Variants in DIXDC1 observed in about 807,000 individuals in gnomAD.
DIXDC1 encodes the protein DIX domain containing 1, also known as dixin.
Under a neutral mutation model 103.1 loss-of-function variants are expected in DIXDC1, and 64 were observed. The observed-to-expected ratio is 0.62, with a 90% confidence interval of 0.51 to 0.76. DIXDC1 has a LOEUF of 0.76. Ranked by LOEUF, DIXDC1 falls within the 30% of genes least tolerant of loss-of-function variation. The pLI, the probability that DIXDC1 is intolerant of heterozygous loss-of-function variation, is 0.00. For synonymous variants in DIXDC1, 266 were observed against 298.5 expected (o/e 0.89, Z 1.12); for missense variants, 759 against 834.2 (o/e 0.91, Z 1.11).
intron 17 of DIXDC1, chr11:111,996,439 TA>T (rs1860901841): frequency 4.2e-6 from 1 of 236,598 alleles, no homozygotes; most frequent in African/African-American, 2.3e-5. Flanking sequence ...AAGCAAAATA[TA>T]AAACAACAAA....
chr11:111,965,898 C>G (rs1164049908), intron 2 of DIXDC1, among the ~76,000 whole-genome samples: 6 of 152,134 alleles, frequency 3.9e-5, no homozygotes, highest in African/African-American at 1.4e-4. Flanking sequence ...GAGGTACAAA[C>G]CTAGATCTGC....
intron 14 of DIXDC1, among the ~76,000 whole-genome samples, chr11:111,994,762 G>A (rs1352820287): frequency 6.6e-6 from 1 of 152,124 alleles, no homozygotes; most frequent in African/African-American, 2.4e-5. Context: ...CTAGGTTGGG[G>A]CCTCCAGGTG....
intron 5 of DIXDC1, among the ~76,000 whole-genome samples, chr11:111,980,034 A>T (rs1215579921): frequency 6.6e-6 from 1 of 152,206 alleles, no homozygotes; most frequent in African/African-American, 2.4e-5. Flanking sequence ...TCAGAAATAT[A>T]AATAACTTTT....
intron 17 of DIXDC1, among the ~76,000 whole-genome samples, chr11:112,013,300 T>A (rs1169932649): frequency 1.3e-5 from 1 of 77,600 alleles, no homozygotes; most frequent in Non-Finnish European, 2.2e-5. Flanking sequence ...CTTCAACATA[T>A]GAAGTTGACG....
rs144046645 is a variant in DIXDC1, at chr11:112,000,565, T to C, written c.1756+4419T>C. Among the ~76,000 whole-genome samples the C allele has an allele frequency of 6.0e-3, 911 of 151,790 alleles. 10 individuals are homozygous for C. The highest frequency in any genetic ancestry group is 0.021 in the African/African-American group (860 of 41,382). On this transcript the variant is annotated intron_variant, in intron 17 of 19. Coordinates refer to ENST00000440460, the MANE Select transcript of DIXDC1 (RefSeq NM_001037954.4). Reference sequence around the variant, plus strand: ...TACAAAAATTAGCTGGGCGTGGTGGTACGCACCTGTAGTCCCAGCTACTCG... The same window carrying C: ...TACAAAAATTAGCTGGGCGTGGTGGCACGCACCTGTAGTCCCAGCTACTCG...
rs114157516 is a variant in DIXDC1 at position 111,977,624 on chromosome 11, C to A, written c.656+2641C>A. ...TCCCGCTTTCTCCCGCGAGCCGGGCCAGTAGCTTTGCTAGCTGGCCTTCCC... is the reference window on the plus strand; with the variant it reads ...TCCCGCTTTCTCCCGCGAGCCGGGCAAGTAGCTTTGCTAGCTGGCCTTCCC... On this transcript the variant is annotated intron_variant, in intron 5 of 19. Transcript: ENST00000440460. The surrounding 1 kb of genome is among the most constrained non-coding windows in gnomAD (Gnocchi z 6.1). The A allele has an allele frequency of 1.3e-6, 2 of 1,539,068 alleles. No individual in the cohort carries two copies. The highest frequency in any genetic ancestry group is 1.8e-6 in the Non-Finnish European group (2 of 1,142,088).
chr11:111,937,376 C>A lies in DIXDC1; in HGVS notation c.-124C>A. 11 of 1,456,676 alleles carry A rather than the reference C, an allele frequency of 7.6e-6. No homozygotes were observed. Among genetic ancestry groups the A allele is most frequent in the Non-Finnish European group, 1.0e-5 (11 of 1,104,304 alleles). 90.2% of individuals were successfully genotyped at this position (1,456,676 alleles called of 1,614,324 possible). ...TCCAGTCTAGGTTTCCAGTAAGTGGCATGCGGGACTCCGGAGGGATCCCAA... is the reference window on the plus strand; with the variant it reads ...TCCAGTCTAGGTTTCCAGTAAGTGGAATGCGGGACTCCGGAGGGATCCCAA... On this transcript the variant is annotated 5_prime_UTR_variant, in exon 1 of 20. Coordinates refer to ENST00000440460, the MANE Select transcript of DIXDC1 (RefSeq NM_001037954.4).
intron 1 of DIXDC1, among the ~76,000 whole-genome samples, chr11:111,938,025 G>A (rs1462803787): frequency 1.3e-5 from 2 of 152,218 alleles, no homozygotes; most frequent in Non-Finnish European, 2.9e-5. Flanking sequence ...CATGTGAAGT[G>A]CCCTCTTCAT....
rs1359379708 is a variant in DIXDC1 at position 111,996,282 on chromosome 11, C to T, written c.1756+136C>T. ...ATACTATTTTGTTTCTGTAGCAATA[C>T]TGCAATTGAGTTAGTTCTAAGACTA... On this transcript the variant is annotated intron_variant, in intron 17 of 19. Coordinates refer to ENST00000440460, the MANE Select transcript of DIXDC1 (RefSeq NM_001037954.4). 8 of 728,232 alleles carry T rather than the reference C, an allele frequency of 1.1e-5. No homozygotes were observed. In the African/African-American group the frequency reaches 1.3e-4, roughly 11 times the overall value. 45.1% of individuals were successfully genotyped at this position (728,232 alleles called of 1,614,324 possible).
In DIXDC1 at chr11:112,019,010, G is replaced by T; in HGVS notation, c.2026G>T (p.Val676Leu). 1 of 1,613,488 alleles carries T rather than the reference G, an allele frequency of 6.2e-7. No individual in the cohort carries two copies. Among genetic ancestry groups the T allele is most frequent in the African/African-American group, 1.3e-5 (1 of 75,022 alleles). The part of the protein sequence containing the change: ...PGWEGKIVAW[V>L]EEDHGEN ...ATGGGAAGGGAAAATTGTAGCTTGG[G>T]TGGAAGAAGACCATGGAGAGAATTA... Residue 676 changes from valine (V) to leucine (L), a missense_variant, in exon 20 of 20, where the codon GTG (valine) becomes TTG (leucine). Physicochemically the swap from Val to Leu is conservative, Grantham distance 32. Coordinates refer to ENST00000440460, the MANE Select transcript of DIXDC1 (RefSeq NM_001037954.4).
rs1350853783 is a variant in DIXDC1 at position 111,958,741 on chromosome 11, A to G, written c.61-5808A>G. ...GCCCCGCAGACCGGAGTGGGAATTT[A>G]TGGTGTTTTTTCCAGGCCTACCCAT... On this transcript the variant is annotated intron_variant, in intron 1 of 19. Transcript: ENST00000440460. This position sits in a 1 kb window ranked among gnomAD's most constrained non-coding sequence, Gnocchi z 4.2. 6.6e-6 allele frequency among the ~76,000 whole-genome samples: 1 copy of G among 152,142 alleles called. No individual in the cohort carries two copies. Among genetic ancestry groups the G allele is most frequent in the East Asian group, 1.9e-4 (1 of 5,170 alleles).
At chr11:111,983,506 T>G (rs1555173527) in intron 7 of DIXDC1, among the ~76,000 whole-genome samples, 1 of 152,218 alleles carries the variant, frequency 6.6e-6, no homozygotes, top group Admixed American at 6.5e-5. Context: ...TTATGAGGCC[T>G]TTTAGATCTC....
At chr11:111,949,309 ACT>A (rs1555169650) in intron 1 of DIXDC1, among the ~76,000 whole-genome samples, 1 of 151,820 alleles carries the variant, frequency 6.6e-6, no homozygotes, top group Non-Finnish European at 1.5e-5. Context: ...AATAGCTCAG[ACT>A]CTCTCAAAAC....
At chr11:111,987,094 C>G (rs1860518184) in intron 9 of DIXDC1, among the ~76,000 whole-genome samples, 170 bp downstream of exon 9, 2 of 151,896 alleles carry the variant, frequency 1.3e-5, no homozygotes, top group South Asian at 4.2e-4. Context: ...ACCAAAAATA[C>G]GAAAAATTAG....
exon 1 of DIXDC1, chr11:111,927,357 T>G (rs1320897045): frequency 3.3e-5 from 5 of 152,398 alleles, no homozygotes; most frequent in Non-Finnish European, 7.3e-5. Context: ...GGGACAGAGA[T>G]GCTGAACCAG....
At chr11:111,994,486 C>T (rs182455523) in intron 14 of DIXDC1, among the ~76,000 whole-genome samples, 4 of 150,914 alleles carry the variant, frequency 2.7e-5, no homozygotes, top group African/African-American at 9.7e-5. Context: ...CATATATATA[C>T]ACACACATAT....
chr11:111,981,996 C>T (rs1448224773), intron 6 of DIXDC1, among the ~76,000 whole-genome samples: 1 of 152,146 alleles, frequency 6.6e-6, no homozygotes, highest in East Asian at 1.9e-4. Context: ...TCTGACAGCT[C>T]CTCTTTTTGT....
In DIXDC1 at chr11:112,002,691, G is replaced by A. The variant is rs587689366; in HGVS notation, c.1756+6545G>A. 2.8e-3 allele frequency among the ~76,000 whole-genome samples: 419 copies of A among 152,224 alleles called. 2 individuals carry two copies. The highest frequency in any genetic ancestry group is 9.5e-3 in the African/African-American group (393 of 41,554). On this transcript the variant is annotated intron_variant, in intron 17 of 19. Coordinates refer to ENST00000440460, the MANE Select transcript of DIXDC1 (RefSeq NM_001037954.4). The stretch of plus-strand genomic sequence containing the variant: ...TAGTCCCAGCTATTCAGGGGGCTGC[G>A]GTGGAAGGACAGCTTTAGCCTGGGA...
chr11:111,965,052 C>T (rs1194448729), intron 2 of DIXDC1, among the ~76,000 whole-genome samples: 1 of 152,120 alleles, frequency 6.6e-6, no homozygotes, highest in Non-Finnish European at 1.5e-5. Flanking sequence ...CAGGGATTGG[C>T]TTACCAGAAC....
Sources: allele counts gnomAD v4.1 joint callset (sites outside exome capture counted in the v4.1 genomes callset), GRCh38; gene constraint gnomAD v4.1.1; non-coding constraint Gnocchi (gnomAD v3.1); transcripts MANE v1.5; gene names NCBI Gene and HGNC (gene_info 2026-07-23, HGNC 2026-07-21).